PDZRN3: variants seen among roughly 807,000 people sequenced by gnomAD.
The protein encoded by PDZRN3 is E3 ubiquitin-protein ligase PDZRN3.
Under a neutral mutation model 85.7 loss-of-function variants are expected in PDZRN3, and 38 were observed. The observed-to-expected ratio is 0.44, with a 90% CI of 0.34 to 0.58. The LOEUF is 0.58. Ranked by LOEUF, PDZRN3 falls within the 20% of genes least tolerant of loss-of-function variation. The pLI is 0.01. For missense variants in PDZRN3, 1,629 were observed against 1,506.4 expected (o/e 1.08, Z -1.35); for synonymous variants, 759 against 638.0 (o/e 1.19, Z -2.86).
At chr3:73,421,182 C>T (rs1410906338) in intron 3 of PDZRN3, among the ~76,000 whole-genome samples, 7 of 152,122 alleles carry the variant, frequency 4.6e-5, no homozygotes, top group Non-Finnish European at 8.8e-5. Flanking sequence ...AAAGAGCCTA[C>T]ACTGTGCCAT....
At chr3:73,482,031 G>T (rs1703571936) in intron 3 of PDZRN3, among the ~76,000 whole-genome samples, 1 of 152,142 alleles carries the variant, frequency 6.6e-6, no homozygotes, top group Non-Finnish European at 1.5e-5. Flanking sequence ...AACATTAAGA[G>T]CATCTTTGAT....
At chr3:73,519,578 A>G (rs1704316472) in intron 3 of PDZRN3, among the ~76,000 whole-genome samples, 1 of 152,192 alleles carries the variant, frequency 6.6e-6, no homozygotes, top group Non-Finnish European at 1.5e-5. Context: ...TTGTTTCTAT[A>G]AAATGGAGAT....
intron 3 of PDZRN3, among the ~76,000 whole-genome samples, chr3:73,496,415 C>A (rs6796652): frequency 0.96 from 146,799 of 152,190 alleles, 70,997 homozygotes; most frequent in East Asian, 1. Flanking sequence ...GTACCCAACA[C>A]AATTTGAATG....
chr3:73,550,794 C>G (rs1701534920), intron 3 of PDZRN3, among the ~76,000 whole-genome samples: 1 of 152,166 alleles, frequency 6.6e-6, no homozygotes, highest in Admixed American at 6.5e-5. Context: ...TAAACTGAAA[C>G]AGAAGCACAA....
At chr3:73,600,499 G>A (rs180936960) in intron 3 of PDZRN3, among the ~76,000 whole-genome samples, 1 of 152,202 alleles carries the variant, frequency 6.6e-6, no homozygotes, top group Admixed American at 6.5e-5. Context: ...AAGGCACAGT[G>A]TTGTCAATTG....
rs190077959 is a variant in PDZRN3, at chr3:73,527,395, G to T, written c.918+74959C>A. The stretch of plus-strand genomic sequence containing the variant: ...TCAATATTGAAAATCCATTAGAAAC[G>T]GATATCTTGCATTCATAGTAAAGGG... On this transcript the variant is annotated intron_variant, in intron 3 of 9. Coordinates refer to ENST00000263666, the MANE Select transcript of PDZRN3 (RefSeq NM_015009.3). Among the ~76,000 whole-genome samples, 14 of 152,052 alleles carry T rather than the reference G, an allele frequency of 9.2e-5. No individual in the cohort carries two copies. In the East Asian group the frequency reaches 2.7e-3, roughly 29 times the overall value.
chr3:73,406,136 G>A (rs1045857914), intron 3 of PDZRN3, among the ~76,000 whole-genome samples: 1 of 152,208 alleles, frequency 6.6e-6, no homozygotes, highest in African/African-American at 2.4e-5. Flanking sequence ...GAGTGCACCA[G>A]TAAATAAGGA....
intron 3 of PDZRN3, among the ~76,000 whole-genome samples, chr3:73,493,233 G>A (rs1212114789): frequency 6.6e-6 from 1 of 152,068 alleles, no homozygotes; most frequent in Non-Finnish European, 1.5e-5. Context: ...AGACTCTTAT[G>A]TTCTACCTGT....
At chr3:73,387,939 C>A (rs980056378) in intron 8 of PDZRN3, 29 bp downstream of exon 8, 1 of 1,039,370 alleles carries the variant, frequency 9.6e-7, no homozygotes, top group Middle Eastern at 2.1e-4. Flanking sequence ...AAATATAGAC[C>A]CAGTTTCATC....
rs961557637 is a variant in PDZRN3 at position 73,408,085 on chromosome 3, G to T, written c.919-3690C>A. 5.8e-6 allele frequency: 4 copies of T among 690,576 alleles called. No homozygotes were observed. In the Admixed American group the frequency reaches 8.5e-5, roughly 15 times the overall value. 42.8% of individuals were successfully genotyped at this position (690,576 alleles called of 1,614,324 possible). A position where few individuals can be genotyped will look rare whatever the true frequency, so the allele number is the denominator to read the frequency against. Reference sequence around the variant, plus strand: ...CAAGAAAACAATTTTAGTAGCCCATGCAGTTTTCAATCAAATACAGTTCAA... The same window carrying T: ...CAAGAAAACAATTTTAGTAGCCCATTCAGTTTTCAATCAAATACAGTTCAA... On this transcript the variant is annotated intron_variant, in intron 3 of 9. Transcript: ENST00000263666.
At chr3:73,619,433 G>A (rs148553432) in intron 1 of PDZRN3, among the ~76,000 whole-genome samples, 15 of 152,338 alleles carry the variant, frequency 9.8e-5, no homozygotes, top group African/African-American at 1.4e-4. Flanking sequence ...TGCGAGGTCC[G>A]AGAGGCCTGG....
At chr3:73,528,242 G>A (rs1704570724) in intron 3 of PDZRN3, among the ~76,000 whole-genome samples, 1 of 152,308 alleles carries the variant, frequency 6.6e-6, no homozygotes, top group African/African-American at 2.4e-5. Flanking sequence ...GCCCAGTCCT[G>A]CTTTAACTGG....
chr3:73,447,293 G>A (rs1702769943), intron 3 of PDZRN3, among the ~76,000 whole-genome samples: 1 of 151,738 alleles, frequency 6.6e-6, no homozygotes, highest in African/African-American at 2.4e-5. Context: ...TCGGACTCAA[G>A]GCTCTCCCAG....
intron 3 of PDZRN3, chr3:73,474,573 A>C: frequency 1.6e-6 from 2 of 1,283,170 alleles, no homozygotes; most frequent in Non-Finnish European, 2.0e-6. Flanking sequence ...GGCAGCCTGC[A>C]GGTCCGCAGT....
At chr3:73,406,771 C>T (rs1472003243) in intron 3 of PDZRN3, among the ~76,000 whole-genome samples, 4 of 152,146 alleles carry the variant, frequency 2.6e-5, no homozygotes, top group Non-Finnish European at 5.9e-5. Flanking sequence ...CATATTTTTC[C>T]TTTATGACTT....
intron 3 of PDZRN3, among the ~76,000 whole-genome samples, chr3:73,568,034 A>G (rs1282087545): frequency 6.6e-6 from 1 of 152,226 alleles, no homozygotes. Flanking sequence ...TTAACCTCCA[A>G]TAGAGAAATC....
intron 3 of PDZRN3, among the ~76,000 whole-genome samples, chr3:73,408,585 A>AG (rs1417288907): frequency 1.4e-5 from 2 of 142,536 alleles, no homozygotes; most frequent in African/African-American, 2.8e-5. Context: ...GGATTCTTGG[A>AG]GGAGGGGGGG....
intron 3 of PDZRN3, among the ~76,000 whole-genome samples, chr3:73,589,515 A>G (rs576944872): frequency 3.0e-4 from 45 of 152,294 alleles, no homozygotes; most frequent in African/African-American, 1.1e-3. Flanking sequence ...AACTCCCTGT[A>G]TGTTCTGTTA....
intron 3 of PDZRN3, among the ~76,000 whole-genome samples, chr3:73,563,013 A>ATATATACATATATATATT (rs1187151191): frequency 2.3e-5 from 1 of 43,780 alleles, no homozygotes; most frequent in Non-Finnish European, 3.7e-5. Flanking sequence ...ATATATATAT[A>ATATATACATATATATATT]TTTTTTTTTT....
Sources: allele counts gnomAD v4.1 joint callset (sites outside exome capture counted in the v4.1 genomes callset), GRCh38; gene constraint gnomAD v4.1.1; transcripts MANE v1.5; gene names NCBI Gene and HGNC (gene_info 2026-07-23, HGNC 2026-07-21).